Variants in FBXL17 observed in about 807,000 individuals in gnomAD.
The protein encoded by FBXL17 is F-box/LRR-repeat protein 17.
A neutral mutation model predicts 66.2 loss-of-function variants in FBXL17; 22 were observed. That is an observed-to-expected ratio of 0.33 (90% CI 0.24 to 0.47). FBXL17 has a LOEUF of 0.47. FBXL17 is among the 20% of genes least tolerant of loss of function. The probability of loss-of-function intolerance (pLI) is 1.00; values close to 1 mark genes in which losing one functional copy is unlikely to be tolerated. For missense variants in FBXL17, 878 were observed against 948.2 expected (o/e 0.93, Z 0.97); for synonymous variants, 474 against 400.5 (o/e 1.18, Z -2.19).
At position 107,872,014 on chromosome 5, in the gene FBXL17, T is replaced by C. The variant is rs138489914; in HGVS notation, c.1965+9023A>G. Among the ~76,000 whole-genome samples, 184 of 152,320 alleles carry C rather than the reference T, an allele frequency of 1.2e-3. 1 individual carries two copies. Among genetic ancestry groups the C allele is most frequent in the African/African-American group, 4.2e-3 (176 of 41,582 alleles). On this transcript the variant is annotated intron_variant, in intron 8 of 8. Transcript: ENST00000542267. ...TGGTAATCAGCAAGTGCACACTTGA[T>C]GAAAAAAAATCTTTCTAAAATTGCC... is the stretch of plus-strand genomic sequence containing the variant.
At chr5:108,200,657 G>T (rs1753854207) in intron 5 of FBXL17, among the ~76,000 whole-genome samples, 1 of 149,634 alleles carries the variant, frequency 6.7e-6, no homozygotes, top group Admixed American at 6.6e-5. Context: ...TCTGGTGAAT[G>T]TAACAGAGAA....
intron 3 of FBXL17, among the ~76,000 whole-genome samples, chr5:108,362,608 A>G (rs1318884752): frequency 6.6e-6 from 1 of 152,152 alleles, no homozygotes; most frequent in Non-Finnish European, 1.5e-5. Flanking sequence ...TATTTCACAA[A>G]GAGGATAGTA....
intron 7 of FBXL17, among the ~76,000 whole-genome samples, chr5:107,888,834 T>C (rs562105715): frequency 6.6e-6 from 1 of 152,352 alleles, no homozygotes; most frequent in South Asian, 2.1e-4. Context: ...TGTTTTCATT[T>C]CATGTGGGTA....
At chr5:108,162,772 T>A (rs1752264045) in intron 6 of FBXL17, among the ~76,000 whole-genome samples, 1 of 152,182 alleles carries the variant, frequency 6.6e-6, no homozygotes, top group Admixed American at 6.5e-5. Flanking sequence ...CACAGGGTTA[T>A]CGGAAATTTA....
At chr5:108,268,202 T>C (rs553530035) in intron 4 of FBXL17, among the ~76,000 whole-genome samples, 1 of 152,138 alleles carries the variant, frequency 6.6e-6, no homozygotes, top group Admixed American at 6.5e-5. Context: ...ATTCAACTCA[T>C]GAATAAATCA....
intron 6 of FBXL17, among the ~76,000 whole-genome samples, chr5:108,082,037 T>C (rs1307729433): frequency 6.6e-6 from 1 of 152,094 alleles, no homozygotes; most frequent in Non-Finnish European, 1.5e-5. Context: ...GGCAGAAGCC[T>C]AGTAGTTGAG....
At chr5:108,249,860 A>G (rs142266102) in intron 4 of FBXL17, among the ~76,000 whole-genome samples, 241 of 152,296 alleles carry the variant, frequency 1.6e-3, no homozygotes, top group African/African-American at 5.7e-3. Context: ...GGGCTACCAC[A>G]TTAGGACAGA....
At chr5:107,979,895 A>T (rs1752740977) in intron 7 of FBXL17, among the ~76,000 whole-genome samples, 1 of 152,234 alleles carries the variant, frequency 6.6e-6, no homozygotes, top group African/African-American at 2.4e-5. Context: ...TATATGAAGA[A>T]AAGGAAAAGA....
At chr5:108,008,747 C>G (rs1754032588) in intron 7 of FBXL17, among the ~76,000 whole-genome samples, 1 of 152,048 alleles carries the variant, frequency 6.6e-6, no homozygotes, top group Admixed American at 6.6e-5. Context: ...GTGCCTGCTC[C>G]TCAGAACACC....
At chr5:108,073,535 A>G (rs1364821602) in intron 6 of FBXL17, among the ~76,000 whole-genome samples, 1 of 152,190 alleles carries the variant, frequency 6.6e-6, no homozygotes, top group Non-Finnish European at 1.5e-5. Context: ...AAAAAACTAG[A>G]GCAAGTAATA....
At chr5:108,260,021 T>TAA (rs111960335) in intron 4 of FBXL17, among the ~76,000 whole-genome samples, 18 of 127,072 alleles carry the variant, frequency 1.4e-4, no homozygotes, top group East Asian at 2.6e-4. Context: ...ATAAGAAACT[T>TAA]AAAAAAAAAA....
rs977634196 is a variant in FBXL17, at chr5:107,946,920, AT to A, written c.1823-65742del. Reference sequence around the variant, plus strand: ...AGCGCACAGTGACATCTGGAGGGTGATTTTTTTTTCATATACCTTTTTGTTT... The same window carrying A: ...AGCGCACAGTGACATCTGGAGGGTGATTTTTTTTCATATACCTTTTTGTTT... On this transcript the variant is annotated intron_variant, in intron 7 of 8. Transcript: ENST00000542267. Among the ~76,000 whole-genome samples, 13 of 151,612 alleles carry A rather than the reference AT, an allele frequency of 8.6e-5. No individual in the cohort carries two copies. The South Asian group carries it at 1.7e-3, about 19-fold the overall frequency.
chr5:108,196,238 A>AC (rs1223440951), intron 5 of FBXL17, among the ~76,000 whole-genome samples: 21 of 152,046 alleles, frequency 1.4e-4, no homozygotes, highest in African/African-American at 4.8e-4. Flanking sequence ...AAACAAACAA[A>AC]AAAAAAACGC....
At chr5:108,340,672 A>C (rs1044069346) in intron 4 of FBXL17, among the ~76,000 whole-genome samples, 31 of 152,180 alleles carry the variant, frequency 2.0e-4, no homozygotes, top group African/African-American at 7.5e-4. Context: ...TTAAAAGTGA[A>C]AAAACATTTG....
At chr5:107,872,124 A>G (rs551179591) in intron 8 of FBXL17, among the ~76,000 whole-genome samples, 2 of 152,334 alleles carry the variant, frequency 1.3e-5, no homozygotes, top group Admixed American at 1.3e-4. Context: ...CATTAATGTG[A>G]TCGGTAAATC....
intron 6 of FBXL17, among the ~76,000 whole-genome samples, chr5:108,124,648 T>C (rs907936266): frequency 3.3e-5 from 5 of 152,068 alleles, no homozygotes; most frequent in African/African-American, 1.2e-4. Context: ...CAAATACCTG[T>C]ACATTGAAAA....
At chr5:108,043,996 T>C (rs1747148324) in intron 6 of FBXL17, among the ~76,000 whole-genome samples, 1 of 152,260 alleles carries the variant, frequency 6.6e-6, no homozygotes, top group South Asian at 2.1e-4. Flanking sequence ...GTCCACATGC[T>C]CATTGCTAGT....
intron 4 of FBXL17, among the ~76,000 whole-genome samples, chr5:108,329,101 A>T (rs1759997819): frequency 6.6e-6 from 1 of 152,170 alleles, no homozygotes; most frequent in South Asian, 2.1e-4. Flanking sequence ...TACTTATGTA[A>T]GAACTTCTGT....
chr5:108,354,097 C>T (rs1747809620), intron 3 of FBXL17, among the ~76,000 whole-genome samples: 1 of 152,110 alleles, frequency 6.6e-6, no homozygotes, highest in Admixed American at 6.5e-5. Context: ...CAAAAAGTTT[C>T]CAATCTTGGA....
Sources: allele counts gnomAD v4.1 joint callset (sites outside exome capture counted in the v4.1 genomes callset), GRCh38; gene constraint gnomAD v4.1.1; transcripts MANE v1.5; gene names NCBI Gene and HGNC (gene_info 2026-07-23, HGNC 2026-07-21).